The following PBX1 variants were observed in gnomAD, a reference collection of about 807,000 sequenced individuals.
PBX1 encodes the protein PBX homeobox 1.
PBX1 carries 6 observed loss-of-function variants against 53.4 expected under a neutral mutation model. That is an observed-to-expected ratio of 0.11 (90% CI 0.06 to 0.22). The LOEUF is 0.22. Among genes scored for constraint, PBX1 ranks in the 10% least tolerant of loss-of-function variants. The pLI is 1.00. For missense variants in PBX1, 251 were observed against 551.4 expected (o/e 0.46, Z 5.46); for synonymous variants, 204 against 212.3 (o/e 0.96, Z 0.34).
intron 8 of PBX1, chr1:164,829,602 C>G (rs564509431): frequency 1.3e-5 from 2 of 152,056 alleles, no homozygotes; most frequent in African/African-American, 2.4e-5. Context: ...CATGGGGGAA[C>G]AACACACACT....
intron 8 of PBX1, among the ~76,000 whole-genome samples, chr1:164,823,394 T>TATAAG (rs10649191): frequency 0.49 from 73,517 of 151,358 alleles, 18,151 homozygotes; most frequent in South Asian, 0.58. Context: ...CTTTTTGGGA[T>TATAAG]ATAAGTTTTT....
chr1:164,805,197 AC>A (rs1669287999), intron 4 of PBX1, among the ~76,000 whole-genome samples: 1 of 152,224 alleles, frequency 6.6e-6, no homozygotes, highest in Non-Finnish European at 1.5e-5. Context: ...TGCCCAACTC[AC>A]AAAGCTACTG....
intron 2 of PBX1, among the ~76,000 whole-genome samples, chr1:164,745,486 A>C (rs1252453616): frequency 6.6e-6 from 1 of 152,244 alleles, no homozygotes; most frequent in Non-Finnish European, 1.5e-5. Flanking sequence ...TCAGAGAACC[A>C]CAAATGATGA....
intron 2 of PBX1, among the ~76,000 whole-genome samples, chr1:164,862,134 T>C (rs1343866277): frequency 1.3e-5 from 2 of 152,086 alleles, no homozygotes; most frequent in Non-Finnish European, 2.9e-5. Context: ...GGTTTGGAAA[T>C]AGGAAGACCA....
At chr1:164,662,089 G>A (rs1053951303) in intron 2 of PBX1, among the ~76,000 whole-genome samples, 2 of 152,162 alleles carry the variant, frequency 1.3e-5, no homozygotes, top group African/African-American at 4.8e-5. Flanking sequence ...ACTTTGGGAG[G>A]CCTAGGTGGG....
intron 2 of PBX1, among the ~76,000 whole-genome samples, chr1:164,737,687 C>G (rs1352602303): frequency 6.6e-6 from 1 of 152,106 alleles, no homozygotes; most frequent in Non-Finnish European, 1.5e-5. Context: ...CCATGTTGGC[C>G]AGGCTGATCT....
chr1:164,602,708 T>TG (rs1656260842), intron 2 of PBX1, among the ~76,000 whole-genome samples: 2 of 130,724 alleles, frequency 1.5e-5, no homozygotes, highest in South Asian at 2.4e-4. Context: ...CCAAACAGAT[T>TG]GAAAAAAAAA....
rs115818637 is a variant in PBX1 at position 164,847,369 on chromosome 1, C to T, written c.*693C>T. On this transcript the variant is annotated 3_prime_UTR_variant, in exon 9 of 9. Transcript: ENST00000420696. The stretch of plus-strand genomic sequence containing the variant: ...GTTTCATCTCCACTAGGTTGGTTCC[C>T]GGGCAGGAAGTCAGGCAGCAGGGAA... The T allele has an allele frequency of 6.8e-4, 721 of 1,064,464 alleles. 4 individuals are homozygous for T. The African/African-American group carries it at 9.2e-3, about 14-fold the overall frequency. The allele number at this position is 1,064,464 out of a possible 1,614,324, so 65.9% of individuals were successfully genotyped here. A position where few individuals can be genotyped will look rare whatever the true frequency, so the allele number is the denominator to read the frequency against.
At chr1:164,811,799 G>C (rs1669626317) in intron 5 of PBX1, among the ~76,000 whole-genome samples, 191 bp from the exon 6 acceptor site, 1 of 152,142 alleles carries the variant, frequency 6.6e-6, no homozygotes, top group Admixed American at 6.5e-5. Context: ...TATTAAACAA[G>C]AGAATCGCAT....
At chr1:164,811,897 C>G in intron 5 of PBX1, 93 bp from the exon 6 acceptor site, 3 of 994,368 alleles carry the variant, frequency 3.0e-6, no homozygotes, top group Non-Finnish European at 4.4e-6. Context: ...ATTAGCTTAC[C>G]TCTTCACCTC....
intron 2 of PBX1, chr1:164,769,892 A>G (rs1667276712): frequency 6.6e-6 from 1 of 152,168 alleles, no homozygotes; most frequent in Non-Finnish European, 1.5e-5. Context: ...TTCAGATGGT[A>G]ACTGACTTGA....
rs529582525 is a variant in PBX1 at position 164,564,942 on chromosome 1, CT to C, written c.265+1633del. On this transcript the variant is annotated intron_variant, in intron 2 of 8. Transcript: ENST00000420696. The stretch of plus-strand genomic sequence containing the variant: ...TAACCAAGTATGAGTTCCTGCTGAT[CT>C]TGTTTCATGAAATGTAGAATCAAAA... Among the ~76,000 whole-genome samples, 59 of 151,924 alleles carry C rather than the reference CT, an allele frequency of 3.9e-4. 1 individual carries two copies. The highest frequency in any genetic ancestry group is 3.4e-3 in the Middle Eastern group (1 of 294).
At chr1:164,853,440 T>C (rs1671903911), downstream of PBX1, among the ~76,000 whole-genome samples, 1 of 152,086 alleles carries the variant, frequency 6.6e-6, no homozygotes, top group African/African-American at 2.4e-5. Context: ...ACACTTTCAG[T>C]AGAGACATTT....
At chr1:164,860,140 T>TCACACCCAGAAGCAGTGGTGATGTTG (rs1469737950) in intron 2 of PBX1, among the ~76,000 whole-genome samples, 2 of 152,170 alleles carry the variant, frequency 1.3e-5, no homozygotes, top group African/African-American at 4.8e-5. Context: ...CAGGAATCCC[T>TCACACCCAGAAGCAGTGGTGATGTTG]CACACCCAGA....
At chr1:164,749,088 T>C (rs1666053856) in intron 2 of PBX1, among the ~76,000 whole-genome samples, 1 of 152,268 alleles carries the variant, frequency 6.6e-6, no homozygotes, top group South Asian at 2.1e-4. Flanking sequence ...CTTGTCTTCA[T>C]GAACAGGACA....
intron 2 of PBX1, among the ~76,000 whole-genome samples, chr1:164,771,994 G>T (rs1667397271): frequency 6.6e-6 from 1 of 152,172 alleles, no homozygotes; most frequent in Non-Finnish European, 1.5e-5. Flanking sequence ...TCAAGTGTGG[G>T]CCCTACCCCA....
chr1:164,594,088 G>A (rs1323183908), intron 2 of PBX1, among the ~76,000 whole-genome samples: 1 of 152,060 alleles, frequency 6.6e-6, no homozygotes, highest in East Asian at 1.9e-4. Flanking sequence ...TTAATTTCAT[G>A]TCACTTTCCT....
intron 2 of PBX1, among the ~76,000 whole-genome samples, chr1:164,658,231 G>C (rs1186771546): frequency 1.3e-5 from 2 of 151,166 alleles, no homozygotes; most frequent in Non-Finnish European, 2.9e-5. Context: ...CAGCCCATGC[G>C]AATTCTGCAG....
intron 2 of PBX1, among the ~76,000 whole-genome samples, chr1:164,758,745 A>C (rs1666656126): frequency 6.6e-6 from 1 of 152,054 alleles, no homozygotes; most frequent in Admixed American, 6.6e-5. Context: ...CTTCCAGCCA[A>C]GAAGCTGGAA....
Sources: allele counts gnomAD v4.1 joint callset (sites outside exome capture counted in the v4.1 genomes callset), GRCh38; gene constraint gnomAD v4.1.1; transcripts MANE v1.5; gene names NCBI Gene and HGNC (gene_info 2026-07-23, HGNC 2026-07-21).